Variants in ADRA1A observed in about 807,000 individuals in gnomAD.
The protein encoded by ADRA1A is alpha-1A adrenergic receptor.
Under a neutral mutation model 29.6 loss-of-function variants are expected in ADRA1A, and 31 were observed. The observed-to-expected ratio is 1.05, with a 90% CI of 0.79 to 1.41. ADRA1A has a LOEUF of 1.41. Ranked by LOEUF, ADRA1A falls within the 40% of genes most tolerant of loss-of-function variation. ADRA1A has a pLI of 0.00. For missense variants in ADRA1A, 619 were observed against 601.1 expected, an observed-to-expected ratio of 1.03 and a Z score of -0.31; for synonymous variants, 311 against 254.3, an observed-to-expected ratio of 1.22 and a Z score of -2.12.
intron 2 of ADRA1A, among the ~76,000 whole-genome samples, chr8:26,809,222 A>G (rs1404241752): frequency 6.6e-6 from 1 of 152,196 alleles, no homozygotes. Context: ...GTCCAGATAT[A>G]CTATTTAACT....
At position 26,806,297 on chromosome 8, in the gene ADRA1A, A is replaced by G. The variant is rs929468646; in HGVS notation, c.884-35631T>C. Among the ~76,000 whole-genome samples the G allele has an allele frequency of 4.0e-5, 6 of 148,250 alleles. No homozygotes were observed. The highest frequency in any genetic ancestry group is 4.0e-4 in the Admixed American group (6 of 15,074). On this transcript the variant is annotated intron_variant, in intron 2 of 2. Coordinates refer to ENST00000380573, the MANE Select transcript of ADRA1A (RefSeq NM_000680.4). This position sits in a 1 kb window ranked among gnomAD's most constrained non-coding sequence, Gnocchi z 4.6. Reference sequence around the variant, plus strand: ...CCCCAGAAGCTGGGTGTTTACACCAAAGATTTTTTTTTTTTTTTCGAAAGC... The same window carrying G: ...CCCCAGAAGCTGGGTGTTTACACCAGAGATTTTTTTTTTTTTTTCGAAAGC...
exon 3 of ADRA1A, chr8:26,748,240 T>C (rs1804774735): frequency 6.5e-6 from 1 of 152,750 alleles, no homozygotes; most frequent in African/African-American, 2.4e-5. Flanking sequence ...CCGTGCTCCA[T>C]GGTGTACTAT....
At chr8:26,854,431 G>GTGGT (rs1340658459) in intron 2 of ADRA1A, 11 of 116,276 alleles carry the variant, frequency 9.5e-5, no homozygotes, top group Admixed American at 2.7e-4. Flanking sequence ...GGCGGGGGGG[G>GTGGT]GGAGCAGGCA....
exon 3 of ADRA1A, chr8:26,748,737 G>C (rs1332313571): frequency 8.0e-6 from 3 of 373,286 alleles, no homozygotes; most frequent in South Asian, 2.0e-5. Context: ...TGGTGACAGA[G>C]CGAGACTTCG....
Position 26,796,032 on chromosome 8 carries a change from G to T in ADRA1A, c.884-25366C>A, listed in dbSNP as rs1019815657. On this transcript the variant is annotated intron_variant, in intron 2 of 2. Transcript: ENST00000380573. The surrounding 1 kb of genome is among the most constrained non-coding windows in gnomAD (Gnocchi z 5.0). ...TAATATAAAATTATTGTCAGCTTTT[G>T]TTTAGATATAATAGTATTATTGTTA... Among the ~76,000 whole-genome samples the T allele has an allele frequency of 6.6e-6, 1 of 152,046 alleles. No homozygotes were observed. Among genetic ancestry groups the T allele is most frequent in the Non-Finnish European group, 1.5e-5 (1 of 67,996 alleles).
At position 26,806,921 on chromosome 8, in the gene ADRA1A, G is replaced by A. The variant is rs957378341; in HGVS notation, c.884-36255C>T. Among the ~76,000 whole-genome samples, 3 of 152,110 alleles carry A rather than the reference G, an allele frequency of 2.0e-5. No individual in the cohort carries two copies. Among genetic ancestry groups the A allele is most frequent in the Admixed American group, 6.5e-5 (1 of 15,272 alleles). ...GCTGGACCCAAACTCTGATAAGCTG[G>A]GTCTTTACCAAGGGCCAAAGTGGCT... On this transcript the variant is annotated intron_variant, in intron 2 of 2. Transcript: ENST00000380573. This position sits in a 1 kb window ranked among gnomAD's most constrained non-coding sequence, Gnocchi z 4.6.
intron 2 of ADRA1A, among the ~76,000 whole-genome samples, chr8:26,813,258 AC>A (rs1809538485): frequency 6.6e-6 from 1 of 152,184 alleles, no homozygotes; most frequent in South Asian, 2.1e-4. Context: ...AACCTAAGTC[AC>A]CAAAGGAGCA....
rs1225162757 is a variant in ADRA1A at position 26,823,401 on chromosome 8, A to G, written c.883+40686T>C. 2.0e-5 allele frequency among the ~76,000 whole-genome samples: 3 copies of G among 152,176 alleles called. No individual in the cohort carries two copies. Among genetic ancestry groups the G allele is most frequent in the Non-Finnish European group, 4.4e-5 (3 of 68,030 alleles). On this transcript the variant is annotated intron_variant, in intron 2 of 2. Transcript: ENST00000380573. This position sits in a 1 kb window ranked among gnomAD's most constrained non-coding sequence, Gnocchi z 4.2. ...GAATGGGAATGCACACCAGTGTAATATCTTTGTCCCTGGTGAGCCGTATCT... is the reference window on the plus strand; with the variant it reads ...GAATGGGAATGCACACCAGTGTAATGTCTTTGTCCCTGGTGAGCCGTATCT...
chr8:26,834,157 C>A (rs1009925619), intron 2 of ADRA1A, among the ~76,000 whole-genome samples: 1 of 152,134 alleles, frequency 6.6e-6, no homozygotes, highest in Admixed American at 6.5e-5. Flanking sequence ...AGCAACAAAA[C>A]TATAAAATAC....
At chr8:26,766,102 G>T (rs776488513), downstream of ADRA1A, 1 of 1,613,624 alleles carries the variant, frequency 6.2e-7, no homozygotes, top group South Asian at 1.1e-5. Context: ...TCACATGCTT[G>T]ATATGCTCTC....
chr8:26,835,204 T>C (rs1393127565), intron 2 of ADRA1A, among the ~76,000 whole-genome samples: 1 of 152,240 alleles, frequency 6.6e-6, no homozygotes, highest in Admixed American at 6.5e-5. Context: ...CTAGCAATTC[T>C]TTATGCCTTG....
At chr8:26,793,750 G>T (rs1807991447) in intron 2 of ADRA1A, among the ~76,000 whole-genome samples, 1 of 151,762 alleles carries the variant, frequency 6.6e-6, no homozygotes, top group Non-Finnish European at 1.5e-5. Context: ...TTTATTCAAG[G>T]AGAAATAATA....
chr8:26,810,541 G>A (rs1258729952), intron 2 of ADRA1A, among the ~76,000 whole-genome samples: 13 of 152,320 alleles, frequency 8.5e-5, no homozygotes, highest in East Asian at 3.9e-4. Flanking sequence ...AAATAAGAAA[G>A]CCAGCTTTAA....
exon 3 of ADRA1A, chr8:26,756,629 C>T: frequency 6.3e-7 from 1 of 1,577,968 alleles, no homozygotes; most frequent in Non-Finnish European, 8.6e-7. Context: ...AGAAGTAAAT[C>T]CAAGTGTCAG....
chr8:26,826,326 C>T (rs1210926687), intron 2 of ADRA1A, among the ~76,000 whole-genome samples: 1 of 152,240 alleles, frequency 6.6e-6, no homozygotes. Context: ...CCACTTGTGG[C>T]TCTGCCACCT....
intron 2 of ADRA1A, among the ~76,000 whole-genome samples, chr8:26,759,035 T>C (rs1210577215): frequency 6.6e-6 from 1 of 152,262 alleles, no homozygotes; most frequent in Non-Finnish European, 1.5e-5. Flanking sequence ...GGATGCATTA[T>C]AGGCAGCAAA....
At chr8:26,767,709 A>G (rs572336040), downstream of ADRA1A, among the ~76,000 whole-genome samples, 1 of 152,288 alleles carries the variant, frequency 6.6e-6, no homozygotes, top group African/African-American at 2.4e-5. Flanking sequence ...ATGTCTGTAA[A>G]GGTGTTTAAA....
chr8:26,758,710 T>C (rs987810690), intron 2 of ADRA1A, among the ~76,000 whole-genome samples: 7 of 152,170 alleles, frequency 4.6e-5, no homozygotes, highest in African/African-American at 1.7e-4. Flanking sequence ...GTGCCCTTCC[T>C]AGCATGGGCA....
At chr8:26,758,271 G>A (rs1041888479) in intron 2 of ADRA1A, among the ~76,000 whole-genome samples, 1 of 152,192 alleles carries the variant, frequency 6.6e-6, no homozygotes, top group African/African-American at 2.4e-5. Flanking sequence ...GTCTTCAGGT[G>A]GGGATGACCA....
Sources: gnomAD v4.1 joint callset for allele counts (sites outside exome capture counted in the v4.1 genomes callset) on GRCh38, gnomAD v4.1.1 for gene constraint, Gnocchi (gnomAD v3.1) non-coding constraint, MANE v1.5 for transcripts, NCBI Gene and HGNC (gene_info 2026-07-23, HGNC 2026-07-21) for gene names.